The following CRTC1 variants were observed in gnomAD, a reference collection of about 807,000 sequenced individuals.
CRTC1 encodes CREB-regulated transcription coactivator 1.
In CRTC1, 18 loss-of-function variants were observed where a neutral mutation model predicts 66.1. That is an observed-to-expected ratio of 0.27 (90% confidence interval 0.19 to 0.40). The LOEUF (loss-of-function observed/expected upper bound fraction) is 0.40. Among genes scored for constraint, CRTC1 ranks in the 10% least tolerant of loss-of-function variants. CRTC1 has a pLI of 1.00. For missense variants in CRTC1, 669 were observed against 887.9 expected (o/e 0.75, Z 3.13); for synonymous variants, 416 against 398.8 (o/e 1.04, Z -0.51).
intron 12 of CRTC1, among the ~76,000 whole-genome samples, 165 bp from the exon 13 acceptor site, chr19:18,775,476 G>A (rs1281807955): frequency 6.6e-6 from 1 of 152,196 alleles, no homozygotes; most frequent in East Asian, 1.9e-4. Context: ...GAGGCCCCAG[G>A]TGGCGGGTGG....
chr19:18,731,676 G>A (rs1256429054), intron 1 of CRTC1, among the ~76,000 whole-genome samples: 1 of 151,994 alleles, frequency 6.6e-6, no homozygotes, highest in African/African-American at 2.4e-5. Context: ...TGGACAGCAG[G>A]CCCCCCGCTA....
intron 1 of CRTC1, among the ~76,000 whole-genome samples, chr19:18,699,913 C>T (rs776811194): frequency 6.6e-5 from 10 of 152,030 alleles, no homozygotes; most frequent in Non-Finnish European, 1.3e-4. Context: ...GGGCAGGTGT[C>T]CCCCGGAGAT....
intron 1 of CRTC1, among the ~76,000 whole-genome samples, chr19:18,685,828 G>A (rs1227540936): frequency 6.6e-6 from 1 of 152,120 alleles, no homozygotes; most frequent in African/African-American, 2.4e-5. Flanking sequence ...GGAAGAAAGG[G>A]GTCACAGTAG....
intron 8 of CRTC1, among the ~76,000 whole-genome samples, chr19:18,764,282 G>A (rs1376247350): frequency 6.6e-6 from 1 of 152,246 alleles, no homozygotes; most frequent in Non-Finnish European, 1.5e-5. Flanking sequence ...CTTGACTGCA[G>A]GCCAGATGCT....
intron 1 of CRTC1, among the ~76,000 whole-genome samples, chr19:18,712,336 G>C (rs940528331): frequency 1.3e-5 from 2 of 152,054 alleles, no homozygotes; most frequent in Non-Finnish European, 2.9e-5. Flanking sequence ...TTGGTTCACT[G>C]TAGCCTCCAC....
At chr19:18,728,860 T>C (rs2145666601) in intron 1 of CRTC1, among the ~76,000 whole-genome samples, 1 of 135,904 alleles carries the variant, frequency 7.4e-6, no homozygotes. Context: ...TCGCCCAGGC[T>C]GGAGTGCAGT....
intron 5 of CRTC1, among the ~76,000 whole-genome samples, 187 bp downstream of exon 5, chr19:18,750,062 A>G (rs1044170412): frequency 6.6e-6 from 1 of 152,212 alleles, no homozygotes; most frequent in Non-Finnish European, 1.5e-5. Flanking sequence ...GATTTTGAAG[A>G]GTGCATAGGA....
At chr19:18,776,775 G>C (rs1344452234) in intron 13 of CRTC1, among the ~76,000 whole-genome samples, 2 of 152,338 alleles carry the variant, frequency 1.3e-5, no homozygotes, top group African/African-American at 4.8e-5. Flanking sequence ...AGCCCTAGCA[G>C]CAGCTGGGTC....
intron 1 of CRTC1, among the ~76,000 whole-genome samples, chr19:18,716,589 G>A (rs1807302446): frequency 6.6e-6 from 1 of 152,184 alleles, no homozygotes; most frequent in African/African-American, 2.4e-5. Context: ...AGCCCAGCAA[G>A]CATTAGCGTG....
intron 2 of CRTC1, chr19:18,744,013 C>T (rs1043862852): frequency 1.7e-5 from 23 of 1,368,104 alleles, no homozygotes; most frequent in East Asian, 1.4e-4. Context: ...GTCTGTCGCC[C>T]GAGGCCCACA....
Position 18,777,444 on chromosome 19 carries a change from G to GCCGTGCT in CRTC1, c.*67_*73dup, listed in dbSNP as rs768309087. On this transcript the variant is annotated 3_prime_UTR_variant, in exon 14 of 14. Transcript: ENST00000321949. The surrounding 1 kb of genome is among the most constrained non-coding windows in gnomAD (Gnocchi z 5.5). ...ACGGCGCCTCCCCAGCCCGGGGACG[G>GCCGTGCT]CCGTGCTCCGTCCCTCGCCAACGGC... The GCCGTGCT allele has an allele frequency of 1.4e-6, 2 of 1,454,594 alleles. No homozygotes were observed. Among genetic ancestry groups the GCCGTGCT allele is most frequent in the East Asian group, 4.5e-5 (2 of 44,040 alleles). The allele number at this position is 1,454,594 out of a possible 1,614,324, so 90.1% of individuals were successfully genotyped here.
intron 1 of CRTC1, among the ~76,000 whole-genome samples, chr19:18,717,557 G>C (rs566824480): frequency 6.6e-6 from 1 of 152,276 alleles, no homozygotes; most frequent in Non-Finnish European, 1.5e-5. Flanking sequence ...GCCTGTGTGT[G>C]GGGCACTGGG....
intron 8 of CRTC1, among the ~76,000 whole-genome samples, chr19:18,763,156 A>AG (rs1254047878): frequency 6.6e-6 from 1 of 151,836 alleles, no homozygotes; most frequent in Non-Finnish European, 1.5e-5. Context: ...GCTGGAGTGC[A>AG]GTGGTGTGAT....
At chr19:18,747,217 A>G (rs1458729789) in intron 4 of CRTC1, 103 bp downstream of exon 4, 3 of 825,122 alleles carry the variant, frequency 3.6e-6, no homozygotes, top group Non-Finnish European at 5.8e-6. Context: ...CGCTTAAACA[A>G]TGACCAAACT....
chr19:18,689,231 G>A (rs1346822616), intron 1 of CRTC1, among the ~76,000 whole-genome samples: 2 of 151,736 alleles, frequency 1.3e-5, no homozygotes, highest in African/African-American at 4.8e-5. Context: ...GCAGGTGTGA[G>A]CCACCACACC....
In CRTC1 at chr19:18,778,893, C is replaced by T. The variant is rs563439417; in HGVS notation, c.*1511C>T. On this transcript the variant is annotated 3_prime_UTR_variant, in exon 14 of 14. Coordinates refer to ENST00000321949, the MANE Select transcript of CRTC1 (RefSeq NM_015321.3). ...TTGGGCAGCGTGGTCTGCTGGCTGC[C>T]CCTTCTTGGCAGCTCAGGGTCGTGG... is the stretch of plus-strand genomic sequence containing the variant. 1 of 231,504 alleles carries T rather than the reference C, an allele frequency of 4.3e-6. No individual in the cohort carries two copies. The highest frequency in any genetic ancestry group is 8.6e-6 in the Non-Finnish European group (1 of 116,950). 14.3% of individuals were successfully genotyped at this position (231,504 alleles called of 1,614,324 possible).
chr19:18,710,620 T>G (rs191060657), intron 1 of CRTC1, among the ~76,000 whole-genome samples: 1 of 152,262 alleles, frequency 6.6e-6, no homozygotes, highest in African/African-American at 2.4e-5. Context: ...TTATTATTTA[T>G]TTATTTTTTG....
At chr19:18,690,414 C>T (rs1032944408) in intron 1 of CRTC1, among the ~76,000 whole-genome samples, 19 of 152,242 alleles carry the variant, frequency 1.2e-4, no homozygotes, top group African/African-American at 3.9e-4. Flanking sequence ...TGCTGCCATC[C>T]GCAGCCTCCA....
intron 1 of CRTC1, among the ~76,000 whole-genome samples, chr19:18,740,790 G>A (rs892375085): frequency 7.2e-5 from 11 of 152,034 alleles, no homozygotes; most frequent in Non-Finnish European, 2.9e-5. Context: ...GATCACTTGA[G>A]GTCAGGAGTT....
Sources: gnomAD v4.1 joint callset for allele counts (sites outside exome capture counted in the v4.1 genomes callset) on GRCh38, gnomAD v4.1.1 for gene constraint, Gnocchi (gnomAD v3.1) non-coding constraint, MANE v1.5 for transcripts, NCBI Gene and HGNC (gene_info 2026-07-23, HGNC 2026-07-21) for gene names.